CUL3: variants seen among roughly 807,000 people sequenced by gnomAD.
CUL3 encodes cullin-3.
A neutral mutation model predicts 89.1 loss-of-function variants in CUL3; 19 were observed. The ratio of observed to expected loss-of-function variants is 0.21; its 90% CI spans 0.15 to 0.31. The LOEUF is 0.31. CUL3 is among the 10% of genes least tolerant of loss of function. CUL3 has a pLI of 1.00. For synonymous variants in CUL3, 351 were observed against 308.4 expected (o/e 1.14, Z -1.45); for missense variants, 469 against 942.3 (o/e 0.50, Z 6.58).
At position 224,566,220 on chromosome 2, in the gene CUL3, G is replaced by A. The variant is rs1307328342; in HGVS notation, c.67-8364C>T. Reference sequence around the variant, plus strand: ...CTAAAAGGCAATCCCTTACTGACAAGGTACTTCCTGACGTCAGGGACAAAG... The same window carrying A: ...CTAAAAGGCAATCCCTTACTGACAAAGTACTTCCTGACGTCAGGGACAAAG... On this transcript the variant is annotated intron_variant, in intron 1 of 15. Transcript: ENST00000264414. Among the ~76,000 whole-genome samples, 3 of 152,210 alleles carry A rather than the reference G, an allele frequency of 2.0e-5. No homozygotes were observed. In the East Asian group the frequency reaches 5.8e-4, roughly 29 times the overall value.
intron 13 of CUL3, among the ~76,000 whole-genome samples, chr2:224,490,460 C>T (rs1037174389): frequency 2.6e-5 from 4 of 151,822 alleles, no homozygotes; most frequent in African/African-American, 4.8e-5. Flanking sequence ...CCAATAACAG[C>T]GCAGCCAGGC....
In CUL3 at chr2:224,472,394, T is replaced by C. The variant is rs559538784; in HGVS notation, c.*1851A>G. The C allele has an allele frequency of 1.4e-4, 29 of 206,800 alleles. No individual in the cohort carries two copies. The highest frequency in any genetic ancestry group is 6.4e-4 in the African/African-American group (28 of 44,020). 12.8% of individuals were successfully genotyped at this position (206,800 alleles called of 1,614,324 possible). On this transcript the variant is annotated 3_prime_UTR_variant, in exon 16 of 16. Transcript: ENST00000264414. ...CTGTCCTGTTTTCCCAGGTGTTAAATATCATTTAACTGGGAAATGAAAGCA... is the reference window on the plus strand; with the variant it reads ...CTGTCCTGTTTTCCCAGGTGTTAAACATCATTTAACTGGGAAATGAAAGCA...
chr2:224,495,614 G>T, intron 13 of CUL3: 1 of 363,358 alleles, frequency 2.8e-6, no homozygotes, highest in Non-Finnish European at 5.0e-6. Context: ...CTTATATAAG[G>T]TATGTTTTAT....
At chr2:224,524,640 T>C (rs1454011136) in intron 3 of CUL3, among the ~76,000 whole-genome samples, 1 of 152,114 alleles carries the variant, frequency 6.6e-6, no homozygotes, top group African/African-American at 2.4e-5. Context: ...TAGCCTCAAC[T>C]AGATCACGGT....
At chr2:224,513,440 G>T in intron 5 of CUL3, 84 bp downstream of exon 5, 1 of 975,108 alleles carries the variant, frequency 1.0e-6, no homozygotes, top group Non-Finnish European at 1.5e-6. Context: ...AGTTAAAAAA[G>T]GTCAAAATAG....
chr2:224,556,415 T>A (rs2106301794), intron 2 of CUL3: 1 of 152,280 alleles, frequency 6.6e-6, no homozygotes, highest in African/African-American at 2.4e-5. Flanking sequence ...CACTTATGTA[T>A]TATTCCTGCC....
Position 224,485,369 on chromosome 2 carries a change from C to T in CUL3, c.1843-3291G>A, listed in dbSNP as rs1028624535. The T allele has an allele frequency of 1.3e-5, 2 of 152,378 alleles. No homozygotes were observed. Among genetic ancestry groups the T allele is most frequent in the Admixed American group, 1.3e-4 (2 of 15,282 alleles). 9.4% of individuals were successfully genotyped at this position (152,378 alleles called of 1,614,324 possible). ...ATCCCAGCAAGCAAGCTAAGATCCA[C>T]TGGGTTGAAATTCTCACTGCCAGCA... On this transcript the variant is annotated intron_variant, in intron 13 of 15. Transcript: ENST00000264414. The surrounding 1 kb of genome is among the most constrained non-coding windows in gnomAD (Gnocchi z 4.1).
chr2:224,572,788 G>A (rs55898315), intron 1 of CUL3, among the ~76,000 whole-genome samples: 10,024 of 152,050 alleles, frequency 0.066, 434 homozygotes, highest in Middle Eastern at 0.15. Context: ...TACAGGATTC[G>A]TCCCCACCAA....
chr2:224,512,676 TA>T (rs1194383922), intron 5 of CUL3, among the ~76,000 whole-genome samples: 2 of 152,214 alleles, frequency 1.3e-5, no homozygotes, highest in African/African-American at 4.8e-5. Flanking sequence ...CAACAACCTT[TA>T]GGCAAATATG....
At position 224,471,395 on chromosome 2, in the gene CUL3, T is replaced by C. The variant is rs1178704210; in HGVS notation, c.*2850A>G. 1.0e-5 allele frequency: 2 copies of C among 198,480 alleles called. No homozygotes were observed. The highest frequency in any genetic ancestry group is 4.6e-5 in the African/African-American group (2 of 43,496). The allele number at this position is 198,480 out of a possible 1,614,324, so 12.3% of individuals were successfully genotyped here. ...CCAAATTAAGGAATTAAATAATATT[T>C]AGAAACCTAAGATGATGCCAGTGTA... is the stretch of plus-strand genomic sequence containing the variant. On this transcript the variant is annotated 3_prime_UTR_variant, in exon 16 of 16. Coordinates refer to ENST00000264414, the MANE Select transcript of CUL3 (RefSeq NM_003590.5).
At chr2:224,533,542 G>A (rs1693771749) in intron 3 of CUL3, among the ~76,000 whole-genome samples, 2 of 152,168 alleles carry the variant, frequency 1.3e-5, no homozygotes, top group African/African-American at 2.4e-5. Flanking sequence ...GTCTGCGTGT[G>A]TATAAAATTT....
At chr2:224,484,509 A>G (rs1188767054) in intron 13 of CUL3, among the ~76,000 whole-genome samples, 3 of 152,016 alleles carry the variant, frequency 2.0e-5, no homozygotes, top group Admixed American at 6.6e-5. Context: ...TTTTTATGTT[A>G]TAAGTAATTT....
At chr2:224,573,807 A>G (rs555233935) in intron 1 of CUL3, among the ~76,000 whole-genome samples, 1 of 152,312 alleles carries the variant, frequency 6.6e-6, no homozygotes, top group East Asian at 1.9e-4. Context: ...AGACCCAAAT[A>G]GATTTAAAAC....
intron 2 of CUL3, among the ~76,000 whole-genome samples, chr2:224,546,284 C>T (rs1694295082): frequency 6.6e-6 from 1 of 151,968 alleles, no homozygotes; most frequent in South Asian, 2.1e-4. Flanking sequence ...TTCTCGAGTA[C>T]GATGGAAAAA....
chr2:224,522,603 G>A (rs1829920), intron 3 of CUL3, among the ~76,000 whole-genome samples: 28,107 of 151,968 alleles, frequency 0.18, 2,961 homozygotes, highest in South Asian at 0.27. Flanking sequence ...CGAGGCGGGC[G>A]GATCATGAGG....
chr2:224,572,295 G>A (rs2106322026), intron 1 of CUL3, among the ~76,000 whole-genome samples: 1 of 152,222 alleles, frequency 6.6e-6, no homozygotes, highest in African/African-American at 2.4e-5. Flanking sequence ...CGGTTTGAAT[G>A]CCTGTGTCTC....
At chr2:224,506,169 T>C (rs554394620) in intron 7 of CUL3, 37 bp from the exon 8 acceptor site, 1 of 1,406,854 alleles carries the variant, frequency 7.1e-7, no homozygotes, top group Admixed American at 2.4e-5. Context: ...CACATTATAA[T>C]AATTTTTCCA....
intron 6 of CUL3, among the ~76,000 whole-genome samples, chr2:224,509,493 C>T (rs1247109371): frequency 1.2e-4 from 18 of 152,220 alleles, no homozygotes; most frequent in Admixed American, 6.5e-5. Flanking sequence ...ACTGAGATTA[C>T]AGGCGTTTGC....
Position 224,497,710 on chromosome 2 carries a change from CTAACTT to C in CUL3, c.1707+37_1707+42del, listed in dbSNP as rs769491889. The stretch of plus-strand genomic sequence containing the variant: ...TAAATCACACATCAGCTCTAATAGA[CTAACTT>C]TAAGTTACTTAATACGTTCAAACTA... On this transcript the variant is annotated intron_variant, in intron 12 of 15. Transcript: ENST00000264414. 3.6e-5 allele frequency: 52 copies of C among 1,453,474 alleles called. No homozygotes were observed. In the South Asian group the frequency reaches 3.8e-4, roughly 11 times the overall value. The allele number at this position is 1,453,474 out of a possible 1,614,324, so 90.0% of individuals were successfully genotyped here.
Sources: allele counts gnomAD v4.1 joint callset (sites outside exome capture counted in the v4.1 genomes callset), GRCh38; gene constraint gnomAD v4.1.1; non-coding constraint Gnocchi (gnomAD v3.1); transcripts MANE v1.5; gene names NCBI Gene and HGNC (gene_info 2026-07-23, HGNC 2026-07-21).